WWOX: variants seen among roughly 807,000 people sequenced by gnomAD.
The protein encoded by WWOX is WW domain-containing oxidoreductase.
In WWOX, 69 loss-of-function variants were observed where a neutral mutation model predicts 46.2. The ratio of observed to expected loss-of-function variants is 1.49; its 90% CI spans 1.23 to 1.82. The LOEUF (loss-of-function observed/expected upper bound fraction) is 1.82. WWOX is among the 40% of genes most tolerant of loss of function. The pLI, the probability that WWOX is intolerant of heterozygous loss-of-function variation, is 0.00. For synonymous variants in WWOX, 359 were observed against 202.6 expected (o/e 1.77, Z -6.56); for missense variants, 919 against 542.6 (o/e 1.69, Z -6.89).
chr16:78,996,400 C>A (rs2151356173), intron 8 of WWOX: 2 of 919,738 alleles, frequency 2.2e-6, no homozygotes, highest in Non-Finnish European at 2.6e-6. Flanking sequence ...GCTTCCCCAC[C>A]TGTAAAATGA....
At chr16:78,518,446 C>G (rs1436668627) in intron 8 of WWOX, among the ~76,000 whole-genome samples, 5 of 152,090 alleles carry the variant, frequency 3.3e-5, no homozygotes, top group Admixed American at 6.6e-5. Context: ...GTCGTGAACT[C>G]CTGACCTCAA....
intron 8 of WWOX, among the ~76,000 whole-genome samples, chr16:78,911,287 A>T (rs574860361): frequency 6.6e-6 from 1 of 152,046 alleles, no homozygotes; most frequent in Non-Finnish European, 1.5e-5. Context: ...TTGCTTGCCT[A>T]TGGGACATGT....
intron 8 of WWOX, among the ~76,000 whole-genome samples, chr16:79,085,740 A>T (rs556832482): frequency 8.6e-4 from 131 of 152,308 alleles, no homozygotes; most frequent in Admixed American, 2.0e-3. Flanking sequence ...GGCATTCAGA[A>T]GTATTAGCAG....
intron 8 of WWOX, among the ~76,000 whole-genome samples, chr16:78,462,164 G>C (rs1434041064): frequency 6.6e-6 from 1 of 152,142 alleles, no homozygotes; most frequent in Non-Finnish European, 1.5e-5. Flanking sequence ...TTGTGGAAAA[G>C]GTAATTTAAG....
intron 8 of WWOX, among the ~76,000 whole-genome samples, chr16:78,948,067 C>A (rs569782760): frequency 6.6e-6 from 1 of 152,188 alleles, no homozygotes; most frequent in Non-Finnish European, 1.5e-5. Flanking sequence ...CAGCCTGTGC[C>A]GTCAGAGAGA....
At chr16:79,108,100 A>G (rs2049345604) in intron 8 of WWOX, among the ~76,000 whole-genome samples, 1 of 152,228 alleles carries the variant, frequency 6.6e-6, no homozygotes, top group Non-Finnish European at 1.5e-5. Flanking sequence ...TCTACAATGA[A>G]CATTTGTTGG....
chr16:79,174,053 C>A (rs1480031361), intron 8 of WWOX, among the ~76,000 whole-genome samples: 1 of 152,180 alleles, frequency 6.6e-6, no homozygotes, highest in African/African-American at 2.4e-5. Context: ...GTAAGTGGTG[C>A]TCACATACAG....
At chr16:78,877,915 C>T (rs1486448349) in intron 8 of WWOX, among the ~76,000 whole-genome samples, 1 of 152,176 alleles carries the variant, frequency 6.6e-6, no homozygotes, top group Non-Finnish European at 1.5e-5. Flanking sequence ...ACAGATACTC[C>T]TGGATGAGAG....
At chr16:78,933,598 C>G (rs368295356) in intron 8 of WWOX, among the ~76,000 whole-genome samples, 5 of 152,266 alleles carry the variant, frequency 3.3e-5, no homozygotes, top group Middle Eastern at 3.4e-3. Flanking sequence ...AAGACATACC[C>G]GAGACTGGGC....
intron 8 of WWOX, among the ~76,000 whole-genome samples, chr16:79,139,194 C>G (rs566694571): frequency 6.6e-6 from 1 of 152,144 alleles, no homozygotes; most frequent in African/African-American, 2.4e-5. Flanking sequence ...TATATTTCAG[C>G]GTGCCTCCTA....
chr16:79,015,617 A>G (rs539821500), intron 8 of WWOX, among the ~76,000 whole-genome samples: 3 of 152,330 alleles, frequency 2.0e-5, no homozygotes, highest in Admixed American at 1.3e-4. Context: ...ATCTGCAACC[A>G]GAGTTGGAAG....
intron 8 of WWOX, among the ~76,000 whole-genome samples, chr16:78,957,371 T>C (rs2046188440): frequency 6.6e-6 from 1 of 152,220 alleles, no homozygotes; most frequent in Non-Finnish European, 1.5e-5. Flanking sequence ...TGAATTGTTC[T>C]TTTCCCCCTG....
At chr16:78,741,594 C>T (rs761043990) in intron 8 of WWOX, among the ~76,000 whole-genome samples, 1 of 151,622 alleles carries the variant, frequency 6.6e-6, no homozygotes, top group Non-Finnish European at 1.5e-5. Flanking sequence ...GTGGCTCATG[C>T]CTGTAATCCC....
At chr16:78,819,004 T>C (rs755643310) in intron 8 of WWOX, among the ~76,000 whole-genome samples, 6 of 152,194 alleles carry the variant, frequency 3.9e-5, no homozygotes, top group South Asian at 2.1e-4. Context: ...TGCTTAGCTC[T>C]AGAATGGAGG....
At chr16:78,250,764 CTACAG>C (rs888830835) in intron 5 of WWOX, among the ~76,000 whole-genome samples, 2 of 152,076 alleles carry the variant, frequency 1.3e-5, no homozygotes, top group Non-Finnish European at 2.9e-5. Context: ...ATCCACCTCC[CTACAG>C]TCCAGTGGTG....
At chr16:78,714,547 C>A (rs918454435) in intron 8 of WWOX, among the ~76,000 whole-genome samples, 1 of 151,864 alleles carries the variant, frequency 6.6e-6, no homozygotes, top group Non-Finnish European at 1.5e-5. Flanking sequence ...CATATCATGT[C>A]TTGGCAGCCA....
At position 79,140,310 on chromosome 16, in the gene WWOX, A is replaced by G. The variant is rs149311728; in HGVS notation, c.1057-71298A>G. Among the ~76,000 whole-genome samples, 5 of 152,322 alleles carry G rather than the reference A, an allele frequency of 3.3e-5. No individual in the cohort carries two copies. In the East Asian group the frequency reaches 9.7e-4, roughly 29 times the overall value. On this transcript the variant is annotated intron_variant, in intron 8 of 8. Transcript: ENST00000566780. ...GTGGCCGATTTCTTGGACTTGCTAC[A>G]TTCTTAGGCAAGTGACATCTCCCTT...
chr16:78,828,201 G>A (rs1474201471), intron 8 of WWOX, among the ~76,000 whole-genome samples: 2 of 152,130 alleles, frequency 1.3e-5, no homozygotes, highest in South Asian at 4.2e-4. Context: ...GGGGGCTGAG[G>A]ACTTCAAGAC....
intron 5 of WWOX, among the ~76,000 whole-genome samples, chr16:78,234,366 A>G (rs1469488821): frequency 1.3e-5 from 2 of 152,070 alleles, no homozygotes; most frequent in Non-Finnish European, 2.9e-5. Context: ...TTTGTGATAT[A>G]TCATATGAAT....
Sources: gnomAD v4.1 joint callset for allele counts (sites outside exome capture counted in the v4.1 genomes callset) on GRCh38, gnomAD v4.1.1 for gene constraint, MANE v1.5 for transcripts, NCBI Gene and HGNC (gene_info 2026-07-23, HGNC 2026-07-21) for gene names.